Variants in CHRNA9 observed in about 807,000 individuals in gnomAD.
The protein encoded by CHRNA9 is neuronal acetylcholine receptor subunit alpha-9.
CHRNA9 carries 24 observed loss-of-function variants against 36.8 expected under a neutral mutation model. The observed-to-expected ratio is 0.65, with a 90% confidence interval of 0.47 to 0.92. The LOEUF (loss-of-function observed/expected upper bound fraction) is 0.92, where lower values mean the gene tolerates loss of function less well. Among genes scored for constraint, CHRNA9 ranks in the 40% least tolerant of loss-of-function variants. The pLI is 0.00. For missense variants in CHRNA9, 610 were observed against 601.2 expected, an observed-to-expected ratio of 1.01 and a Z score of -0.15; for synonymous variants, 231 against 231.8, an observed-to-expected ratio of 1.00 and a Z score of 0.03.
chr4:40,335,672 G>A (rs1577542596), intron 1 of CHRNA9, 141 bp downstream of exon 1: 1 of 990,508 alleles, frequency 1.0e-6, no homozygotes, highest in Admixed American at 1.9e-5. Flanking sequence ...TCTGATCTTG[G>A]TAGGGCATGC....
intron 4 of CHRNA9, chr4:40,349,659 G>A (rs1712740870): frequency 2.3e-6 from 1 of 440,156 alleles, no homozygotes; most frequent in South Asian, 4.6e-5. Context: ...ATACTTTAGA[G>A]CAGTAGTTCT....
intron 2 of CHRNA9, 90 bp from the exon 3 acceptor site, chr4:40,337,120 G>C (rs6447332): frequency 0.051 from 61,717 of 1,204,770 alleles, 1,981 homozygotes; most frequent in African/African-American, 0.12. Context: ...GAGTGTTTGT[G>C]AAATTCCTAT....
chr4:40,340,041 T>C (rs950139047), intron 3 of CHRNA9, among the ~76,000 whole-genome samples: 16 of 152,160 alleles, frequency 1.1e-4, no homozygotes, highest in East Asian at 5.8e-4. Context: ...CCTGTTTTGA[T>C]AGGCTGAGGT....
chr4:40,348,900 A>T lies in CHRNA9; in HGVS notation c.384A>T (p.Ser128=). The part of the protein sequence containing the change: ...VLYNKADDES[S]EPVNTNVVLR... ...CCTTCAGGGCTGATGATGAATCTTC[A>T]GAGCCTGTGAACACCAATGTGGTCC... is the stretch of plus-strand genomic sequence containing the variant. Residue 128 remains serine, a synonymous_variant, in exon 4 of 5, where the codon TCA becomes TCT. Coordinates refer to ENST00000310169, the MANE Select transcript of CHRNA9 (RefSeq NM_017581.4). The T allele has an allele frequency of 6.2e-7, 1 of 1,612,602 alleles. No homozygotes were observed. Among genetic ancestry groups the T allele is most frequent in the East Asian group, 2.2e-5 (1 of 44,832 alleles).
At chr4:40,336,064 GAGGGAATGA>G in intron 2 of CHRNA9, 92 bp downstream of exon 2, 4 of 1,132,076 alleles carry the variant, frequency 3.5e-6, no homozygotes, top group Non-Finnish European at 3.9e-6. Context: ...GGGAATTTGA[GAGGGAATGA>G]TAGCTCCTTA....
chr4:40,335,387 C>T lies in CHRNA9; in HGVS notation c.-81C>T, dbSNP rs1418695976. On this transcript the variant is annotated 5_prime_UTR_variant, in exon 1 of 5. Coordinates refer to ENST00000310169, the MANE Select transcript of CHRNA9 (RefSeq NM_017581.4). ...GCTGCAGCGGTGTGGGCTCCTTGTG[C>T]CCAGATCCTTTGTATTCATAGGGGG... 5 of 1,097,170 alleles carry T rather than the reference C, an allele frequency of 4.6e-6. No individual in the cohort carries two copies. The highest frequency in any genetic ancestry group is 1.5e-5 in the African/African-American group (1 of 65,124). The allele number at this position is 1,097,170 out of a possible 1,614,324, so 68.0% of individuals were successfully genotyped here.
At position 40,335,367 on chromosome 4, in the gene CHRNA9, A is replaced by G; in HGVS notation, c.-101A>G. On this transcript the variant is annotated 5_prime_UTR_variant, in exon 1 of 5. Coordinates refer to ENST00000310169, the MANE Select transcript of CHRNA9 (RefSeq NM_017581.4). Reference sequence around the variant, plus strand: ...CTGAGCTCTCCCGCCATAAGGCTGCAGCGGTGTGGGCTCCTTGTGCCCAGA... The same window carrying G: ...CTGAGCTCTCCCGCCATAAGGCTGCGGCGGTGTGGGCTCCTTGTGCCCAGA... 1.1e-6 allele frequency: 1 copy of G among 881,258 alleles called. No individual in the cohort carries two copies. The highest frequency in any genetic ancestry group is 1.9e-6 in the Non-Finnish European group (1 of 521,364). The allele number at this position is 881,258 out of a possible 1,614,324, so 54.6% of individuals were successfully genotyped here.
Position 40,354,198 on chromosome 4 carries a change from T to A in CHRNA9, c.1118T>A (p.Val373Asp). 6.2e-7 allele frequency: 1 copy of A among 1,614,148 alleles called. No individual in the cohort carries two copies. The highest frequency in any genetic ancestry group is 8.5e-7 in the Non-Finnish European group (1 of 1,180,022). ...AGAGAGCGGGACCACCTCACGAAAG[T>A]TTATAGCAAACTCCCAGAGTCTAAC... ...HSRERDHLTK[V>D]YSKLPESNLK... Residue 373 changes from valine to aspartate, a missense_variant, in exon 5 of 5, where the codon GTT becomes GAT. Val to Asp is a radical substitution (Grantham distance 152). Coordinates refer to ENST00000310169, the MANE Select transcript of CHRNA9 (RefSeq NM_017581.4).
intron 3 of CHRNA9, among the ~76,000 whole-genome samples, chr4:40,345,709 C>T (rs1470426133): frequency 6.6e-6 from 1 of 150,800 alleles, no homozygotes; most frequent in Admixed American, 6.6e-5. Flanking sequence ...GATACTCCAT[C>T]TCAAAAAACA....
chr4:40,338,346 T>C (rs1712386148), intron 3 of CHRNA9: 1 of 152,170 alleles, frequency 6.6e-6, no homozygotes, highest in East Asian at 1.9e-4. Flanking sequence ...GGGCCTGTGA[T>C]TCTGCATTTC....
intron 3 of CHRNA9, among the ~76,000 whole-genome samples, chr4:40,344,536 G>GAAA (rs11368849): frequency 7.2e-6 from 1 of 138,106 alleles, no homozygotes; most frequent in Non-Finnish European, 1.6e-5. Context: ...GCCATCTCAA[G>GAAA]AAAAAAAAAA....
intron 2 of CHRNA9, among the ~76,000 whole-genome samples, chr4:40,336,374 T>C (rs1398361520): frequency 6.6e-6 from 1 of 152,196 alleles, no homozygotes; most frequent in Non-Finnish European, 1.5e-5. Flanking sequence ...AGAAATGATC[T>C]TGAATTAGGC....
intron 3 of CHRNA9, among the ~76,000 whole-genome samples, chr4:40,346,968 G>A (rs1036711933): frequency 2.6e-5 from 4 of 151,872 alleles, no homozygotes; most frequent in South Asian, 2.1e-4. Flanking sequence ...GCGCCACCAC[G>A]CCTGGCTAAT....
chr4:40,344,062 G>A (rs1047389358), intron 3 of CHRNA9, among the ~76,000 whole-genome samples: 1 of 152,222 alleles, frequency 6.6e-6, no homozygotes, highest in Admixed American at 6.5e-5. Context: ...GGAAGCAGAG[G>A]TTAGTGATGC....
chr4:40,338,512 G>T (rs1287828307), intron 3 of CHRNA9, among the ~76,000 whole-genome samples: 1 of 152,154 alleles, frequency 6.6e-6, no homozygotes, highest in East Asian at 1.9e-4. Flanking sequence ...TGTGGAGTGG[G>T]AAGAGTTCCT....
rs202096658 is a variant in CHRNA9 at position 40,349,089 on chromosome 4, C to T, written c.573C>T (p.Ser191=). The change falls in exon 4 of 5, where the codon AGC becomes AGT. Residue 191 remains serine (S), a synonymous_variant. Transcript: ENST00000310169. ...TGGACATATTCAACGCCTTGGACAG[C>T]GGAGATCTCTCTGACTTCATTGAAG... ...NQVDIFNALD[S]GDLSDFIEDV... 1.3e-4 allele frequency: 216 copies of T among 1,613,962 alleles called. 1 individual carries two copies. The highest frequency in any genetic ancestry group is 4.2e-5 in the Non-Finnish European group (50 of 1,180,018).
At chr4:40,352,248 G>T (rs1429396044) in intron 4 of CHRNA9, among the ~76,000 whole-genome samples, 2 of 152,118 alleles carry the variant, frequency 1.3e-5, no homozygotes, top group South Asian at 4.1e-4. Flanking sequence ...TTAAGACATA[G>T]TCTAGCTCTG....
intron 3 of CHRNA9, among the ~76,000 whole-genome samples, chr4:40,340,969 T>A: frequency 3.0e-5 from 2 of 65,680 alleles, no homozygotes; most frequent in East Asian, 3.7e-4. Flanking sequence ...GAAGATAAGC[T>A]CTCCAAAAAA....
chr4:40,340,973 CAAAAAAAAAAA>C lies in CHRNA9; in HGVS notation c.365+3619_365+3629del, dbSNP rs543449903. On this transcript the variant is annotated intron_variant, in intron 3 of 4. Coordinates refer to ENST00000310169, the MANE Select transcript of CHRNA9 (RefSeq NM_017581.4). ...GAAGCCAAAGGGAAGATAAGCTCTC[CAAAAAAAAAAA>C]AAAAAAAAAGAACATTTCCCTAATA... Among the ~76,000 whole-genome samples the C allele has an allele frequency of 9.2e-5, 6 of 64,976 alleles. No homozygotes were observed. The South Asian group carries it at 2.0e-3, about 22-fold the overall frequency. The allele number at this position is 64,976 out of a possible 152,430, so 42.6% of individuals were successfully genotyped here. A position where few individuals can be genotyped will look rare whatever the true frequency, so the allele number is the denominator to read the frequency against.
Sources: allele counts gnomAD v4.1 joint callset (sites outside exome capture counted in the v4.1 genomes callset), GRCh38; gene constraint gnomAD v4.1.1; transcripts MANE v1.5; gene names NCBI Gene and HGNC (gene_info 2026-07-23, HGNC 2026-07-21).